The following DUSP13B variants were observed in gnomAD, a reference collection of about 807,000 sequenced individuals.
DUSP13B encodes dual specificity protein phosphatase 13B.
At chr10:75,096,610 G>A in the DUSP13B span, among the ~76,000 whole-genome samples, 1 of 151,382 alleles carries the variant, frequency 6.6e-6, no homozygotes, top group Non-Finnish European at 1.5e-5. Context: ...TTAGCTAGGT[G>A]TGGTTGTGCA....
At chr10:75,097,363 C>A in the DUSP13B span, among the ~76,000 whole-genome samples, 1 of 152,164 alleles carries the variant, frequency 6.6e-6, no homozygotes, top group African/African-American at 2.4e-5. Flanking sequence ...CGTCCACCAC[C>A]ACACCTGGCT....
At chr10:75,094,576 G>A in the DUSP13B span, 2 of 1,370,290 alleles carry the variant, frequency 1.5e-6, no homozygotes, top group South Asian at 2.7e-5. Context: ...CCCACTTGCT[G>A]TTTACATCTC....
At chr10:75,098,022 A>T in the DUSP13B span, 1 of 739,196 alleles carries the variant, frequency 1.4e-6, no homozygotes, top group Non-Finnish European at 2.1e-6. Context: ...CACATGAGGT[A>T]TTAACAAGCT....
At chr10:75,094,973 C>G in the DUSP13B span, 1 of 1,086,518 alleles carries the variant, frequency 9.2e-7, no homozygotes, top group South Asian at 1.5e-5. Flanking sequence ...CTACAGTATC[C>G]TGGAATACTG....
chr10:75,099,322 A>G, the DUSP13B span: 1 of 1,232,306 alleles, frequency 8.1e-7, no homozygotes, highest in South Asian at 4.1e-5. Context: ...CGGCTTGGCC[A>G]GGCTCACCCA....
At chr10:75,097,072 T>C in the DUSP13B span, among the ~76,000 whole-genome samples, 39,668 of 152,126 alleles carry the variant, frequency 0.26, 5,711 homozygotes, top group East Asian at 0.61. Flanking sequence ...ATTCAACAGA[T>C]AGTGATTAAC....
chr10:75,108,864 C>CG, the DUSP13B span: 12 of 1,103,408 alleles, frequency 1.1e-5, no homozygotes, highest in Non-Finnish European at 1.5e-5. Flanking sequence ...TCAGCACCCC[C>CG]GGGGGTCCTG....
the DUSP13B span, chr10:75,094,870 G>A: frequency 6.8e-6 from 11 of 1,613,918 alleles, no homozygotes; most frequent in Non-Finnish European, 7.6e-6. Flanking sequence ...CAGTGTACCA[G>A]CACGCGGCCT....
the DUSP13B span, among the ~76,000 whole-genome samples, chr10:75,106,961 G>C: frequency 2.6e-5 from 4 of 152,220 alleles, no homozygotes; most frequent in Non-Finnish European, 5.9e-5. Context: ...TTCTAGGATG[G>C]ACACAAAGCC....
chr10:75,100,493 C>T, the DUSP13B span, among the ~76,000 whole-genome samples: 1 of 152,144 alleles, frequency 6.6e-6, no homozygotes, highest in Non-Finnish European at 1.5e-5. Context: ...GCAGCTCCGC[C>T]GGTTTCTGAC....
At chr10:75,108,344 G>T in the DUSP13B span, 39 of 1,431,974 alleles carry the variant, frequency 2.7e-5, no homozygotes, top group Admixed American at 3.4e-4. Context: ...GCTCCAAGTG[G>T]GGTCTGACTC....
the DUSP13B span, among the ~76,000 whole-genome samples, chr10:75,098,686 T>C: frequency 6.6e-6 from 1 of 152,228 alleles, no homozygotes; most frequent in South Asian, 2.1e-4. Flanking sequence ...CTTTTGAACC[T>C]GTGAGGCAGA....
the DUSP13B span, among the ~76,000 whole-genome samples, chr10:75,104,282 G>A: frequency 1.3e-5 from 2 of 152,162 alleles, no homozygotes; most frequent in Admixed American, 1.3e-4. Flanking sequence ...ATGGCTTAGG[G>A]ACAGAGATGA....
At chr10:75,101,882 G>C in the DUSP13B span, 1 of 1,366,970 alleles carries the variant, frequency 7.3e-7, no homozygotes, top group South Asian at 1.1e-5. Context: ...GGAGTATCTG[G>C]CCCAGGCTGT....
At chr10:75,099,571 T>C in the DUSP13B span, 8 of 1,229,700 alleles carry the variant, frequency 6.5e-6, no homozygotes, top group South Asian at 2.1e-4. Flanking sequence ...GGGGCGCCCA[T>C]GGGGGGTGGG....
chr10:75,109,050 G>A, the DUSP13B span: 2 of 1,611,690 alleles, frequency 1.2e-6, no homozygotes, highest in Admixed American at 1.7e-5. Flanking sequence ...CGTCCACACG[G>A]CTGCAAGAAG....
At chr10:75,105,894 C>T in the DUSP13B span, 9 of 1,540,842 alleles carry the variant, frequency 5.8e-6, no homozygotes, top group South Asian at 1.1e-4. Context: ...TGGTGAAAAA[C>T]CCTGTCCCAC....
At chr10:75,099,143 G>C in the DUSP13B span, 1 of 1,232,280 alleles carries the variant, frequency 8.1e-7, no homozygotes, top group Middle Eastern at 3.1e-4. Flanking sequence ...ATTTTCAGCG[G>C]CACCAGAATA....
the DUSP13B span, chr10:75,103,771 C>T: frequency 3.8e-6 from 3 of 782,272 alleles, no homozygotes; most frequent in Non-Finnish European, 5.3e-6. Context: ...CAGCTGTGGC[C>T]AACAGCTATC....
Sources: gnomAD v4.1 joint callset for allele counts (sites outside exome capture counted in the v4.1 genomes callset) on GRCh38, gnomAD v4.1.1 for gene constraint, MANE v1.5 for transcripts, NCBI Gene and HGNC (gene_info 2026-07-23, HGNC 2026-07-21) for gene names.